The following PTPN13 variants were observed in gnomAD, a reference collection of about 807,000 sequenced individuals.
PTPN13 encodes the protein tyrosine-protein phosphatase non-receptor type 13.
A neutral mutation model predicts 284.0 loss-of-function variants in PTPN13; 191 were observed. That is an observed-to-expected ratio of 0.67 (90% CI 0.60 to 0.76). PTPN13 has a LOEUF of 0.76. PTPN13 is among the 30% of genes least tolerant of loss of function. PTPN13 has a pLI of 0.00. For synonymous variants in PTPN13, 986 were observed against 1,022.3 expected (o/e 0.96, Z 0.68); for missense variants, 2,797 against 2,939.9 (o/e 0.95, Z 1.12).
At position 86,785,232 on chromosome 4, in the gene PTPN13, A is replaced by C. The variant is rs751343186; in HGVS notation, c.6120A>C (p.Glu2040Asp). 11 of 1,523,686 alleles carry C rather than the reference A, an allele frequency of 7.2e-6. No homozygotes were observed. The East Asian group carries it at 2.6e-4, about 35-fold the overall frequency. The allele number at this position is 1,523,686 out of a possible 1,614,324, so 94.4% of individuals were successfully genotyped here. Residue 2040 changes from glutamate (E) to aspartate (D), a missense_variant and splice_region_variant, in exon 39 of 48, where the codon GAA becomes GAC. Transcript: ENST00000411767. ...KGSPNLTLPK[E>D]SYIQEDDIYD... ...CCATGTAAATTATTATTTTTCAAGA[A>C]TCTTATATACAAGAAGATGACATTT...
At chr4:86,674,935 T>G (rs1467703333) in intron 3 of PTPN13, among the ~76,000 whole-genome samples, 3 of 152,186 alleles carry the variant, frequency 2.0e-5, no homozygotes, top group Non-Finnish European at 2.9e-5. Context: ...ACATTGGAAA[T>G]AGGTATAGTA....
intron 19 of PTPN13, among the ~76,000 whole-genome samples, chr4:86,752,165 G>C (rs1737467812): frequency 6.6e-6 from 1 of 152,134 alleles, no homozygotes. Flanking sequence ...AAAGGGAAAT[G>C]AGGACTGTTT....
At chr4:86,598,242 C>T (rs1763997932) in intron 1 of PTPN13, among the ~76,000 whole-genome samples, 1 of 151,854 alleles carries the variant, frequency 6.6e-6, no homozygotes, top group African/African-American at 2.4e-5. Context: ...ATCCTGGGTT[C>T]AAGCAATTCT....
rs566923391 is a variant in PTPN13, at chr4:86,766,776, G to A, written c.4329+259G>A. 86 of 287,188 alleles carry A rather than the reference G, an allele frequency of 3.0e-4. 1 individual carries two copies. The highest frequency in any genetic ancestry group is 2.0e-3 in the Middle Eastern group (2 of 996). 17.8% of individuals were successfully genotyped at this position (287,188 alleles called of 1,614,324 possible). On this transcript the variant is annotated intron_variant, in intron 27 of 47. Coordinates refer to ENST00000411767, the MANE Select transcript of PTPN13 (RefSeq NM_080683.3). ...AAAGAGATCTGATGGGGGAGGGATG[G>A]AAATTGCATTTTAAATTTGTTGTAT...
At chr4:86,695,859 G>T (rs527412776) in intron 6 of PTPN13, among the ~76,000 whole-genome samples, 1 of 151,850 alleles carries the variant, frequency 6.6e-6, no homozygotes, top group East Asian at 1.9e-4. Context: ...ATTAATTTTT[G>T]CAGACAGTGT....
At position 86,771,156 on chromosome 4, in the gene PTPN13, AT is replaced by A. The variant is rs770707284; in HGVS notation, c.4804-14del. The A allele has an allele frequency of 6.3e-7, 1 of 1,577,732 alleles. No homozygotes were observed. ...ATAGAATGGTCACAAATCTCTTTAA[AT>A]GTGTCCATTACAGACCCCACTTCAG... On this transcript the variant is annotated splice_polypyrimidine_tract_variant and intron_variant, in intron 30 of 47. Coordinates refer to ENST00000411767, the MANE Select transcript of PTPN13 (RefSeq NM_080683.3).
At chr4:86,680,395 A>ATCTATCTATC (rs1554306601) in intron 3 of PTPN13, among the ~76,000 whole-genome samples, 3 of 135,310 alleles carry the variant, frequency 2.2e-5, no homozygotes, top group African/African-American at 5.5e-5. Flanking sequence ...CTATCTATCT[A>ATCTATCTATC]TCTATCTCTA....
In PTPN13 at chr4:86,716,567, C is replaced by T; in HGVS notation, c.1233C>T (p.Val411=). ...GATACAAAACTTATCATGGTGATGT[C>T]TTTAGTACCTCCAGTGAAAGTCCAT... The part of the protein sequence containing the change: ...VRRYKTYHGD[V]FSTSSESPSI... The change falls in exon 8 of 48, where the codon GTC becomes GTT. Residue 411 remains valine (V), a synonymous_variant. Transcript: ENST00000411767. 6.3e-7 allele frequency: 1 copy of T among 1,599,168 alleles called. No individual in the cohort carries two copies. Among genetic ancestry groups the T allele is most frequent in the Non-Finnish European group, 8.5e-7 (1 of 1,172,830 alleles).
At chr4:86,616,939 G>C (rs1298536796) in intron 1 of PTPN13, among the ~76,000 whole-genome samples, 3 of 152,150 alleles carry the variant, frequency 2.0e-5, no homozygotes, top group Non-Finnish European at 4.4e-5. Context: ...AGTGTGTCAG[G>C]ACTGAAGGGG....
chr4:86,722,279 G>A lies in PTPN13; in HGVS notation c.1453G>A (p.Glu485Lys), dbSNP rs952853681. The change falls in exon 10 of 48, where the codon GAA becomes AAA. Residue 485 changes from glutamate to lysine, a missense_variant. Glu to Lys is a moderately conservative substitution (Grantham distance 56). Coordinates refer to ENST00000411767, the MANE Select transcript of PTPN13 (RefSeq NM_080683.3). ...NQEIMLKRQE[E>K]ELMQLQAKMA... Reference sequence around the variant, plus strand: ...AGAGATCATGCTAAAACGGCAAGAGGAAGAACTGATGCAGCTACAAGCCAA... The same window carrying A: ...AGAGATCATGCTAAAACGGCAAGAGAAAGAACTGATGCAGCTACAAGCCAA... The A allele has an allele frequency of 1.9e-6, 3 of 1,613,534 alleles. No individual in the cohort carries two copies. Among genetic ancestry groups the A allele is most frequent in the Admixed American group, 1.7e-5 (1 of 59,952 alleles).
intron 6 of PTPN13, among the ~76,000 whole-genome samples, chr4:86,697,053 C>G (rs1403834287): frequency 6.6e-6 from 1 of 151,854 alleles, no homozygotes; most frequent in Non-Finnish European, 1.5e-5. Flanking sequence ...CATTCAGCAG[C>G]TAATAGTCAA....
intron 2 of PTPN13, among the ~76,000 whole-genome samples, chr4:86,671,748 A>AAT (rs1342844327): frequency 1.3e-5 from 2 of 152,236 alleles, no homozygotes; most frequent in Admixed American, 1.3e-4. Flanking sequence ...ATTCAAGCAA[A>AAT]ATATATACTT....
intron 47 of PTPN13, among the ~76,000 whole-genome samples, chr4:86,812,655 A>T (rs1033215331): frequency 2.0e-5 from 3 of 152,038 alleles, no homozygotes; most frequent in Non-Finnish European, 1.5e-5. Context: ...AGGCAGAGGG[A>T]CCACCTGTGT....
intron 3 of PTPN13, among the ~76,000 whole-genome samples, chr4:86,683,895 A>G (rs1175571614): frequency 6.6e-6 from 1 of 152,212 alleles, no homozygotes; most frequent in Non-Finnish European, 1.5e-5. Context: ...AAACTATGAA[A>G]AATGTTTTTC....
chr4:86,786,845 G>T (rs980945622), intron 40 of PTPN13, among the ~76,000 whole-genome samples: 3 of 152,130 alleles, frequency 2.0e-5, no homozygotes, highest in African/African-American at 7.2e-5. Context: ...GCTCATGGCG[G>T]TAATCCCAGC....
chr4:86,770,492 A>T (rs1739865868), intron 30 of PTPN13, among the ~76,000 whole-genome samples: 1 of 152,210 alleles, frequency 6.6e-6, no homozygotes, highest in South Asian at 2.1e-4. Context: ...ACAAACTGTT[A>T]TTCCTCATCT....
At chr4:86,717,735 A>G (rs928724694) in intron 9 of PTPN13, among the ~76,000 whole-genome samples, 8 of 152,170 alleles carry the variant, frequency 5.3e-5, no homozygotes, top group African/African-American at 9.7e-5. Context: ...AGAAGATAGG[A>G]AACCTTGATT....
At chr4:86,807,490 T>G (rs1009969129) in intron 44 of PTPN13, 70 bp from the exon 45 acceptor site, 8 of 1,165,326 alleles carry the variant, frequency 6.9e-6, no homozygotes, top group Non-Finnish European at 8.6e-6. Flanking sequence ...CTTTGACTCA[T>G]GCAATTTGTA....
At chr4:86,719,331 A>G (rs909240723) in intron 9 of PTPN13, among the ~76,000 whole-genome samples, 1 of 152,186 alleles carries the variant, frequency 6.6e-6, no homozygotes, top group African/African-American at 2.4e-5. Flanking sequence ...ATGGCTGTAT[A>G]GTATTCCATT....
Sources: allele counts gnomAD v4.1 joint callset (sites outside exome capture counted in the v4.1 genomes callset), GRCh38; gene constraint gnomAD v4.1.1; transcripts MANE v1.5; gene names NCBI Gene and HGNC (gene_info 2026-07-23, HGNC 2026-07-21).